KCTD1: variants seen among roughly 807,000 people sequenced by gnomAD.
The protein encoded by KCTD1 is BTB/POZ domain-containing protein KCTD1.
In KCTD1, 24 loss-of-function variants were observed where a neutral mutation model predicts 66.0. The ratio of observed to expected loss-of-function variants is 0.36; its 90% CI spans 0.26 to 0.51. The LOEUF is 0.51. Ranked by LOEUF, KCTD1 falls within the 20% of genes least tolerant of loss-of-function variation. KCTD1 has a pLI of 0.95. For synonymous variants in KCTD1, 511 were observed against 517.2 expected, an observed-to-expected ratio of 0.99 and a Z score of 0.16; for missense variants, 943 against 1,205.2, an observed-to-expected ratio of 0.78 and a Z score of 3.22.
At position 26,455,435 on chromosome 18, in the gene KCTD1, A is replaced by G. The variant is rs12608314; in HGVS notation, c.*308T>C. On this transcript the variant is annotated 3_prime_UTR_variant, in exon 5 of 5. Transcript: ENST00000580059. ...CTTGTTTATTTGTCAGAGGCCTCGGAAGGCCCAGGACACTTCACGGCCATC... is the reference window on the plus strand; with the variant it reads ...CTTGTTTATTTGTCAGAGGCCTCGGGAGGCCCAGGACACTTCACGGCCATC... The G allele has an allele frequency of 0.99, 164,680 of 165,800 alleles. 81,791 individuals carry two copies. Among genetic ancestry groups the G allele is most frequent in the Middle Eastern group, 1 (354 of 354 alleles). 10.3% of individuals were successfully genotyped at this position (165,800 alleles called of 1,614,324 possible). A position where few individuals can be genotyped will look rare whatever the true frequency, so the allele number is the denominator to read the frequency against.
At chr18:26,599,622 C>T in intron 1 of KCTD1, 2 of 1,477,492 alleles carry the variant, frequency 1.4e-6, no homozygotes. Context: ...GGAAGCACCA[C>T]TCTGCACAGT....
chr18:26,640,605 G>A (rs755534905), upstream of KCTD1, among the ~76,000 whole-genome samples: 2 of 152,116 alleles, frequency 1.3e-5, no homozygotes, highest in African/African-American at 2.4e-5. Context: ...GAGGGATTGA[G>A]GGAAAGAAAA....
rs997716781 is a variant in KCTD1 at position 26,468,994 on chromosome 18, T to G, written c.2133+7521A>C. ...TATTTGTGACTCCTGTAAACTGCAC[T>G]GCTCCTGCTGATGCAATTCCATCAC... On this transcript the variant is annotated intron_variant, in intron 3 of 4. Transcript: ENST00000580059. The surrounding 1 kb of genome is among the most constrained non-coding windows in gnomAD (Gnocchi z 4.8). Among the ~76,000 whole-genome samples the G allele has an allele frequency of 6.6e-6, 1 of 152,176 alleles. No homozygotes were observed. The highest frequency in any genetic ancestry group is 2.4e-5 in the African/African-American group (1 of 41,446).
At chr18:26,628,498 A>C (rs1292198302) in intron 1 of KCTD1, among the ~76,000 whole-genome samples, 1 of 152,162 alleles carries the variant, frequency 6.6e-6, no homozygotes, top group Admixed American at 6.5e-5. Context: ...AAATTTCTTC[A>C]AACATGCCAA....
upstream of KCTD1, among the ~76,000 whole-genome samples, chr18:26,630,753 G>A (rs1987601550): frequency 6.6e-6 from 1 of 152,214 alleles, no homozygotes; most frequent in Admixed American, 6.5e-5. Flanking sequence ...GTTGTGAGCT[G>A]CACTAGCCAC....
intron 2 of KCTD1, among the ~76,000 whole-genome samples, chr18:26,487,185 G>A (rs1252564235): frequency 6.6e-6 from 1 of 152,122 alleles, no homozygotes; most frequent in East Asian, 1.9e-4. Flanking sequence ...TGAATGAAAA[G>A]GAATGAATTA....
At chr18:26,584,911 A>C (rs1986439148) in intron 1 of KCTD1, among the ~76,000 whole-genome samples, 1 of 152,100 alleles carries the variant, frequency 6.6e-6, no homozygotes, top group Non-Finnish European at 1.5e-5. Flanking sequence ...AGGCAGAGAG[A>C]CGGCAGCTCC....
intron 2 of KCTD1, among the ~76,000 whole-genome samples, chr18:26,489,040 G>A (rs1021276702): frequency 1.6e-4 from 25 of 152,160 alleles, no homozygotes; most frequent in African/African-American, 5.8e-4. Context: ...GATTACACCT[G>A]ACTCTCATCC....
At chr18:26,515,737 T>C (rs946791736) in intron 1 of KCTD1, among the ~76,000 whole-genome samples, 1 of 152,102 alleles carries the variant, frequency 6.6e-6, no homozygotes, top group Non-Finnish European at 1.5e-5. Flanking sequence ...CTCGAACTCC[T>C]GGCCTCAGGT....
chr18:26,501,188 G>A lies in KCTD1; in HGVS notation c.1872C>T (p.Asn624=). The A allele has an allele frequency of 6.2e-7, 1 of 1,614,194 alleles. No individual in the cohort carries two copies. The highest frequency in any genetic ancestry group is 8.5e-7 in the Non-Finnish European group (1 of 1,180,032). ...GTTGTGCTGGAGTAGGGATGCCTTGGTTGTTCAGTGGAGATGCAGGGGATC... is the reference window on the plus strand; with the variant it reads ...GTTGTGCTGGAGTAGGGATGCCTTGATTGTTCAGTGGAGATGCAGGGGATC... ...ITRSPASPLN[N]QGIPTPAQLT... The change falls in exon 2 of 5, where the codon AAC becomes AAT. Residue 624 remains asparagine, a synonymous_variant. Coordinates refer to ENST00000580059, the MANE Select transcript of KCTD1 (RefSeq NM_001142730.3).
chr18:26,514,285 G>A (rs1399439755), intron 1 of KCTD1, among the ~76,000 whole-genome samples: 1 of 152,138 alleles, frequency 6.6e-6, no homozygotes, highest in Non-Finnish European at 1.5e-5. Context: ...AAGCACAGTG[G>A]CTCATGCTTA....
At chr18:26,522,940 G>A (rs1201510822) in intron 1 of KCTD1, among the ~76,000 whole-genome samples, 1 of 152,170 alleles carries the variant, frequency 6.6e-6, no homozygotes, top group East Asian at 1.9e-4. Flanking sequence ...CTCCCACAGT[G>A]CCTTGTATAC....
chr18:26,494,084 A>G (rs1982345547), intron 2 of KCTD1, among the ~76,000 whole-genome samples: 1 of 152,162 alleles, frequency 6.6e-6, no homozygotes, highest in African/African-American at 2.4e-5. Context: ...AGAATGAAAG[A>G]ACGGGCCACG....
chr18:26,484,712 G>A (rs1981827582), intron 2 of KCTD1, among the ~76,000 whole-genome samples: 1 of 152,142 alleles, frequency 6.6e-6, no homozygotes, highest in Non-Finnish European at 1.5e-5. Context: ...GCCTTAAACT[G>A]GGCATGATAT....
intron 2 of KCTD1, among the ~76,000 whole-genome samples, chr18:26,480,249 G>T (rs567194753): frequency 6.6e-6 from 1 of 152,120 alleles, no homozygotes; most frequent in Admixed American, 6.5e-5. Context: ...CCATCAACCA[G>T]CTTCAAAAGC....
At chr18:26,550,082 T>C (rs1263022751), upstream of KCTD1, among the ~76,000 whole-genome samples, 1 of 152,124 alleles carries the variant, frequency 6.6e-6, no homozygotes, top group Non-Finnish European at 1.5e-5. The surrounding 1 kb of genome is among the most constrained non-coding windows in gnomAD (Gnocchi z 5.4). Flanking sequence ...GCGGGCCAGC[T>C]GCGAGTCCCT....
At chr18:26,552,065 C>G (rs992487475), upstream of KCTD1, among the ~76,000 whole-genome samples, 2 of 152,148 alleles carry the variant, frequency 1.3e-5, no homozygotes, top group African/African-American at 4.8e-5. Flanking sequence ...AAGATGTTTA[C>G]AACTTTTAAC....
At chr18:26,480,909 A>G (rs2144615278) in intron 2 of KCTD1, among the ~76,000 whole-genome samples, 1 of 152,298 alleles carries the variant, frequency 6.6e-6, no homozygotes, top group Non-Finnish European at 1.5e-5. Context: ...TGCTGTCCAC[A>G]CTGTGCATTA....
intron 4 of KCTD1, chr18:26,457,013 A>C (rs1453356469): frequency 2.0e-5 from 3 of 151,834 alleles, no homozygotes; most frequent in Non-Finnish European, 4.4e-5. Flanking sequence ...GTGAATCCTT[A>C]CTTTTTTAAA....
Sources: allele counts gnomAD v4.1 joint callset (sites outside exome capture counted in the v4.1 genomes callset), GRCh38; gene constraint gnomAD v4.1.1; non-coding constraint Gnocchi (gnomAD v3.1); transcripts MANE v1.5; gene names NCBI Gene and HGNC (gene_info 2026-07-23, HGNC 2026-07-21).